THSD4: variants seen among roughly 807,000 people sequenced by gnomAD.
The protein encoded by THSD4 is thrombospondin type 1 domain containing 4.
In THSD4, 69 loss-of-function variants were observed where a neutral mutation model predicts 119.0. The observed-to-expected ratio is 0.58, with a 90% CI of 0.48 to 0.71. The LOEUF (loss-of-function observed/expected upper bound fraction) is 0.71. Ranked by LOEUF, THSD4 falls within the 30% of genes least tolerant of loss-of-function variation. The probability of loss-of-function intolerance (pLI) is 0.00; values close to 1 mark genes in which losing one functional copy is unlikely to be tolerated. For synonymous variants in THSD4, 524 were observed against 540.4 expected, an observed-to-expected ratio of 0.97 and a Z score of 0.42; for missense variants, 1,393 against 1,391.1, an observed-to-expected ratio of 1.00 and a Z score of -0.02.
chr15:71,569,996 A>G (rs2049318779), intron 7 of THSD4, among the ~76,000 whole-genome samples: 1 of 151,962 alleles, frequency 6.6e-6, no homozygotes, highest in Non-Finnish European at 1.5e-5. Flanking sequence ...TCTATTTCAA[A>G]AAAATAAAAT....
At chr15:71,350,466 A>C (rs1375510393) in intron 6 of THSD4, among the ~76,000 whole-genome samples, 1 of 152,162 alleles carries the variant, frequency 6.6e-6, no homozygotes, top group Non-Finnish European at 1.5e-5. Context: ...TGGGGCTGCC[A>C]GTGACCGCTT....
intron 10 of THSD4, 81 bp from the exon 11 acceptor site, chr15:71,737,651 C>A (rs1195813181): frequency 6.1e-6 from 9 of 1,483,604 alleles, no homozygotes; most frequent in Middle Eastern, 1.8e-4. Context: ...TACACAGTCT[C>A]TAATGTCGAA....
chr15:71,764,027 G>A (rs892162035), intron 15 of THSD4, among the ~76,000 whole-genome samples: 28 of 151,474 alleles, frequency 1.8e-4, no homozygotes, highest in Admixed American at 7.2e-4. Context: ...AGATCACTCC[G>A]CTGCACTCCA....
rs2051287519 is a variant in THSD4, at chr15:71,660,699, A to G, written c.1322A>G (p.Asn441Ser). Residue 441 changes from asparagine to serine, a missense_variant, in exon 8 of 18, where the codon AAC becomes AGC. Physicochemically the swap from Asn to Ser is conservative, Grantham distance 46. Transcript: ENST00000261862. ...VEIPEGATKI[N>S]ITEMYKSNNY... ...ATTCCCGAGGGAGCCACGAAAATCA[A>G]CATCACGGAGATGTACAAGAGCAAC... The G allele has an allele frequency of 1.9e-6, 3 of 1,614,168 alleles. No homozygotes were observed. The East Asian group carries it at 6.7e-5, about 36-fold the overall frequency.
intron 6 of THSD4, among the ~76,000 whole-genome samples, chr15:71,303,283 G>T (rs1170599200): frequency 6.6e-6 from 1 of 152,334 alleles, no homozygotes; most frequent in South Asian, 2.1e-4. Context: ...TAACACTTCA[G>T]GTAGGGCCCA....
At chr15:71,369,546 G>C (rs1284624211) in intron 6 of THSD4, among the ~76,000 whole-genome samples, 1 of 152,226 alleles carries the variant, frequency 6.6e-6, no homozygotes, top group East Asian at 1.9e-4. Context: ...TAATCATGTG[G>C]TTTTTGTCGT....
Position 71,417,899 on chromosome 15 carries a change from C to T in THSD4, c.1152+6076C>T, listed in dbSNP as rs2046776586. Among the ~76,000 whole-genome samples, 2 of 104,716 alleles carry T rather than the reference C, an allele frequency of 1.9e-5. 1 individual carries two copies. Among genetic ancestry groups the T allele is most frequent in the African/African-American group, 6.5e-5 (2 of 30,714 alleles). 68.7% of individuals were successfully genotyped at this position (104,716 alleles called of 152,430 possible). On this transcript the variant is annotated intron_variant, in intron 7 of 17. Transcript: ENST00000261862. ...GAATATCTTTCTATTCCTTTGTGTCCTCTTCAACTTCTTTCATCCATGTTT... is the reference window on the plus strand; with the variant it reads ...GAATATCTTTCTATTCCTTTGTGTCTTCTTCAACTTCTTTCATCCATGTTT...
chr15:71,624,384 A>C (rs2050471826), intron 7 of THSD4, among the ~76,000 whole-genome samples: 1 of 152,238 alleles, frequency 6.6e-6, no homozygotes, highest in Non-Finnish European at 1.5e-5. Context: ...TATTTGAATT[A>C]TTTAATCTTC....
intron 11 of THSD4, among the ~76,000 whole-genome samples, chr15:71,742,793 G>A (rs1277940590): frequency 1.3e-5 from 2 of 152,120 alleles, no homozygotes; most frequent in Non-Finnish European, 2.9e-5. Context: ...CGTGGCTTAT[G>A]CCTGTAATCC....
At chr15:71,506,887 G>A (rs1033648009) in intron 7 of THSD4, among the ~76,000 whole-genome samples, 3 of 152,196 alleles carry the variant, frequency 2.0e-5, no homozygotes, top group Admixed American at 6.5e-5. Flanking sequence ...CTGGTAAAAG[G>A]TAGAATGTTA....
At chr15:71,393,589 C>G (rs2046405498) in intron 6 of THSD4, among the ~76,000 whole-genome samples, 1 of 152,148 alleles carries the variant, frequency 6.6e-6, no homozygotes, top group Non-Finnish European at 1.5e-5. Flanking sequence ...ATGGCTCCTA[C>G]TCTGTCTGGC....
chr15:71,721,116 C>CA (rs2052713475), intron 8 of THSD4, among the ~76,000 whole-genome samples: 3 of 152,150 alleles, frequency 2.0e-5, no homozygotes, highest in African/African-American at 7.2e-5. Flanking sequence ...CCTGTAATCC[C>CA]AGCACTTTGG....
intron 4 of THSD4, among the ~76,000 whole-genome samples, chr15:71,239,526 T>C (rs2044134929): frequency 6.6e-6 from 1 of 152,184 alleles, no homozygotes; most frequent in African/African-American, 2.4e-5. Flanking sequence ...CTCCCACATC[T>C]CTGATCTGCA....
At chr15:71,750,169 C>A (rs1036560925) in intron 14 of THSD4, among the ~76,000 whole-genome samples, 1 of 152,172 alleles carries the variant, frequency 6.6e-6, no homozygotes, top group Non-Finnish European at 1.5e-5. Flanking sequence ...AGCCCATGAG[C>A]CCCCACCCCG....
At chr15:71,618,267 A>T (rs997304235) in intron 7 of THSD4, among the ~76,000 whole-genome samples, 1 of 152,180 alleles carries the variant, frequency 6.6e-6, no homozygotes, top group African/African-American at 2.4e-5. Context: ...TTTCTAGTAA[A>T]ATTGAAAATG....
intron 7 of THSD4, among the ~76,000 whole-genome samples, chr15:71,421,158 C>CAAAAAAAAAAAAAAAAAAA (rs769831708): frequency 5.3e-5 from 1 of 18,780 alleles, no homozygotes; most frequent in African/African-American, 1.8e-4. Context: ...GACTCCGTCT[C>CAAAAAAAAAAAAAAAAAAA]AAAAAAAAAA....
intron 6 of THSD4, 131 bp downstream of exon 6, chr15:71,256,846 C>A: frequency 2.6e-6 from 2 of 760,960 alleles, no homozygotes; most frequent in South Asian, 3.7e-5. Context: ...AGTGTGACTC[C>A]AGGGCAAAGA....
At chr15:71,531,149 A>T (rs929196804) in intron 7 of THSD4, among the ~76,000 whole-genome samples, 1 of 152,142 alleles carries the variant, frequency 6.6e-6, no homozygotes, top group Non-Finnish European at 1.5e-5. Flanking sequence ...CCAGAGGGTC[A>T]TAAGGAAGGG....
chr15:71,303,434 G>A (rs1056873063), intron 6 of THSD4, among the ~76,000 whole-genome samples: 6 of 152,170 alleles, frequency 3.9e-5, no homozygotes, highest in Non-Finnish European at 8.8e-5. Flanking sequence ...GGCCTCTAAC[G>A]TTGCAAAGAA....
Sources: allele counts gnomAD v4.1 joint callset (sites outside exome capture counted in the v4.1 genomes callset), GRCh38; gene constraint gnomAD v4.1.1; transcripts MANE v1.5; gene names NCBI Gene and HGNC (gene_info 2026-07-23, HGNC 2026-07-21).